The following DNAH9 variants were observed in gnomAD, a reference collection of about 807,000 sequenced individuals.
The protein encoded by DNAH9 is dynein axonemal heavy chain 9.
DNAH9 carries 345 observed loss-of-function variants against 471.6 expected under a neutral mutation model. The observed-to-expected ratio is 0.73, with a 90% CI of 0.67 to 0.80. The LOEUF (loss-of-function observed/expected upper bound fraction) is 0.80, where lower values mean the gene tolerates loss of function less well. Ranked by LOEUF, DNAH9 falls within the 30% of genes least tolerant of loss-of-function variation. The pLI, the probability that DNAH9 is intolerant of heterozygous loss-of-function variation, is 0.00. For missense variants in DNAH9, 5,407 were observed against 5,609.2 expected, an observed-to-expected ratio of 0.96 and a Z score of 1.15; for synonymous variants, 2,093 against 2,123.6, an observed-to-expected ratio of 0.99 and a Z score of 0.40.
At chr17:11,952,501 T>A (rs978849162) in intron 67 of DNAH9, among the ~76,000 whole-genome samples, 9 of 152,012 alleles carry the variant, frequency 5.9e-5, no homozygotes, top group African/African-American at 2.2e-4. Context: ...TGCATTTAAA[T>A]AGCCACATGT....
intron 45 of DNAH9, among the ~76,000 whole-genome samples, chr17:11,816,589 A>G (rs1053121044): frequency 6.6e-6 from 1 of 152,304 alleles, no homozygotes; most frequent in Non-Finnish European, 1.5e-5. Flanking sequence ...TCAGGTCTAG[A>G]TAGGGTCAAA....
In DNAH9 at chr17:11,626,001, A is replaced by G. The variant is rs1041233058; in HGVS notation, c.1351-3416A>G. On this transcript the variant is annotated intron_variant, in intron 6 of 68. Transcript: ENST00000262442. The surrounding 1 kb of genome is among the most constrained non-coding windows in gnomAD (Gnocchi z 4.3). ...ATTGTTCCCATCTACAGGTTAGGAA[A>G]GTGAGGCTTAGAAAAGTTAGGTGTC... 6.6e-6 allele frequency among the ~76,000 whole-genome samples: 1 copy of G among 152,218 alleles called. No individual in the cohort carries two copies. The highest frequency in any genetic ancestry group is 2.4e-5 in the African/African-American group (1 of 41,464).
rs1436216044 is a variant in DNAH9 at position 11,880,146 on chromosome 17, C to G, written c.10547C>G (p.Ser3516Cys). ...AVVLIENLEE[S>C]IDPVLGPLLG... Reference sequence around the variant, plus strand: ...GTGCTGATTGAAAATCTAGAGGAGTCCATTGATCCTGTTCTGGGACCCCTG... The same window carrying G: ...GTGCTGATTGAAAATCTAGAGGAGTGCATTGATCCTGTTCTGGGACCCCTG... Residue 3516 changes from serine to cysteine, a missense_variant, in exon 54 of 69, where the codon TCC (serine) becomes TGC (cysteine). Around this residue, in one of 3 missense-constraint regions of DNAH9, gnomAD observed 4,636 missense variants for 4,900.3 expected, o/e 0.95. Coordinates refer to ENST00000262442, the MANE Select transcript of DNAH9 (RefSeq NM_001372.4). 1 of 1,613,820 alleles carries G rather than the reference C, an allele frequency of 6.2e-7. No homozygotes were observed. The highest frequency in any genetic ancestry group is 1.3e-5 in the African/African-American group (1 of 74,862).
intron 68 of DNAH9, among the ~76,000 whole-genome samples, chr17:11,967,546 CAT>C (rs1387253870): frequency 3.9e-5 from 6 of 152,212 alleles, no homozygotes; most frequent in South Asian, 2.1e-4. Flanking sequence ...ATAAAAAAGA[CAT>C]ATAGAAAACG....
chr17:11,793,227 C>T (rs1406212215), intron 41 of DNAH9, among the ~76,000 whole-genome samples: 1 of 152,174 alleles, frequency 6.6e-6, no homozygotes, highest in Non-Finnish European at 1.5e-5. Flanking sequence ...ATGCCTCGCC[C>T]AAAGTCACAC....
In DNAH9 at chr17:11,962,297, T is replaced by C. The variant is rs1315478991; in HGVS notation, c.13233+41T>C. On this transcript the variant is annotated intron_variant, in intron 68 of 68. Transcript: ENST00000262442. The surrounding 1 kb of genome is among the most constrained non-coding windows in gnomAD (Gnocchi z 4.1). ...AACCAAAGGGCAGCTTTCTGGGGGC[T>C]GATTAAATACACATTGCTTCCTATG... 6.5e-7 allele frequency: 1 copy of C among 1,536,368 alleles called. No homozygotes were observed. Among genetic ancestry groups the C allele is most frequent in the Non-Finnish European group, 8.7e-7 (1 of 1,146,896 alleles).
chr17:11,957,791 A>G (rs1306759703), intron 67 of DNAH9, among the ~76,000 whole-genome samples: 1 of 152,236 alleles, frequency 6.6e-6, no homozygotes, highest in African/African-American at 2.4e-5. Context: ...GACTGTATCA[A>G]TGTCAGTATC....
chr17:11,759,517 C>CTTTTTT (rs1157505657), intron 35 of DNAH9, among the ~76,000 whole-genome samples: 15 of 83,972 alleles, frequency 1.8e-4, no homozygotes, highest in Admixed American at 6.9e-4. Context: ...ATACACACCA[C>CTTTTTT]TTTTTTTTTT....
At chr17:11,951,492 C>G (rs765042107) in intron 67 of DNAH9, among the ~76,000 whole-genome samples, 1 of 150,946 alleles carries the variant, frequency 6.6e-6, no homozygotes, top group Non-Finnish European at 1.5e-5. Flanking sequence ...ACCAGCCTAG[C>G]CAACATGGCA....
In DNAH9 at chr17:11,932,099, G is replaced by T; in HGVS notation, c.12191G>T (p.Arg4064Ile). 1 of 1,614,080 alleles carries T rather than the reference G, an allele frequency of 6.2e-7. No individual in the cohort carries two copies. The highest frequency in any genetic ancestry group is 2.2e-5 in the East Asian group (1 of 44,868). ...TACTTCCATGCGGTGGTGGCAGAAA[G>T]ACGAAAATTTGGGCCCCAGGGATGG... is the stretch of plus-strand genomic sequence containing the variant. ...LCYFHAVVAE[R>I]RKFGPQGWNR... The change falls in exon 64 of 69, where the codon AGA (arginine) becomes ATA (isoleucine). Residue 4064 changes from arginine to isoleucine, a missense_variant. Coordinates refer to ENST00000262442, the MANE Select transcript of DNAH9 (RefSeq NM_001372.4). The surrounding 1 kb of genome is among the most constrained non-coding windows in gnomAD (Gnocchi z 4.3).
At chr17:11,741,853 C>G (rs1472317645) in intron 29 of DNAH9, among the ~76,000 whole-genome samples, 1 of 152,200 alleles carries the variant, frequency 6.6e-6, no homozygotes, top group Non-Finnish European at 1.5e-5. Context: ...GTGTAAGACA[C>G]ACTGAACTCA....
rs142788253 is a variant in DNAH9, at chr17:11,675,650, G to T, written c.3354-4107G>T. Reference sequence around the variant, plus strand: ...TTGTTAGGAGTATTTAGCATAAATGGATGTAAAATTGTATCAAGTGTTTTA... The same window carrying T: ...TTGTTAGGAGTATTTAGCATAAATGTATGTAAAATTGTATCAAGTGTTTTA... On this transcript the variant is annotated intron_variant, in intron 17 of 68. Coordinates refer to ENST00000262442, the MANE Select transcript of DNAH9 (RefSeq NM_001372.4). 7.2e-5 allele frequency among the ~76,000 whole-genome samples: 11 copies of T among 152,216 alleles called. 1 individual carries two copies. The East Asian group carries it at 1.9e-3, about 27-fold the overall frequency.
At chr17:11,875,234 A>C (rs376151498) in intron 53 of DNAH9, 50 bp downstream of exon 53, 33 of 1,484,528 alleles carry the variant, frequency 2.2e-5, no homozygotes, top group Non-Finnish European at 9.2e-7. Flanking sequence ...GTGCAGGAAA[A>C]TGTATAGATC....
chr17:11,861,041 T>C (rs183642528), intron 50 of DNAH9, among the ~76,000 whole-genome samples: 3,041 of 151,542 alleles, frequency 0.02, 44 homozygotes, highest in South Asian at 0.051. Flanking sequence ...TTTTTTTTTT[T>C]ATACTTTAAG....
chr17:11,679,820 A>T lies in DNAH9; in HGVS notation c.3417A>T (p.Lys1139Asn). Residue 1139 changes from lysine to asparagine, a missense_variant, in exon 18 of 69, where the codon AAA becomes AAT. Coordinates refer to ENST00000262442, the MANE Select transcript of DNAH9 (RefSeq NM_001372.4). The part of the protein sequence containing the change: ...SESGLLKKVE[K>N]GDFQGLVEIM... ...GCGGCTTACTCAAGAAAGTTGAAAA[A>T]GGAGATTTCCAAGGCTTGGTTGAGA... 2 of 1,614,164 alleles carry T rather than the reference A, an allele frequency of 1.2e-6. No individual in the cohort carries two copies. The highest frequency in any genetic ancestry group is 1.7e-6 in the Non-Finnish European group (2 of 1,180,028).
intron 67 of DNAH9, among the ~76,000 whole-genome samples, chr17:11,944,434 T>G (rs1050009694): frequency 9.2e-5 from 14 of 152,066 alleles, no homozygotes; most frequent in Admixed American, 5.2e-4. Context: ...TGACAGGTGA[T>G]CACAAAAGGC....
At chr17:11,624,127 GT>G (rs2072926201) in intron 6 of DNAH9, among the ~76,000 whole-genome samples, 1 of 152,172 alleles carries the variant, frequency 6.6e-6, no homozygotes, top group African/African-American at 2.4e-5. Context: ...TTTAACCCTT[GT>G]GGAGGGAAGA....
chr17:11,793,724 TG>T (rs1969142683), intron 42 of DNAH9, 60 bp downstream of exon 42: 1 of 1,242,034 alleles, frequency 8.1e-7, no homozygotes, highest in East Asian at 2.5e-5. Context: ...ATTATACAGA[TG>T]ATCACCCAAT....
intron 38 of DNAH9, among the ~76,000 whole-genome samples, chr17:11,769,914 C>T (rs535599721): frequency 3.9e-5 from 6 of 152,328 alleles, no homozygotes; most frequent in East Asian, 1.9e-4. Flanking sequence ...AACTCATTTA[C>T]GACACAGTCT....
Sources: allele counts gnomAD v4.1 joint callset (sites outside exome capture counted in the v4.1 genomes callset), GRCh38; gene constraint gnomAD v4.1.1; regional missense constraint gnomAD v4.1.1; non-coding constraint Gnocchi (gnomAD v3.1); transcripts MANE v1.5; gene names NCBI Gene and HGNC (gene_info 2026-07-23, HGNC 2026-07-21).